Variants in CLSTN2 observed in about 807,000 individuals in gnomAD.
The protein encoded by CLSTN2 is calsyntenin-2.
In CLSTN2, 48 loss-of-function variants were observed where a neutral mutation model predicts 101.2. The observed-to-expected ratio is 0.47, with a 90% CI of 0.38 to 0.60. The LOEUF is 0.60. Ranked by LOEUF, CLSTN2 falls within the 20% of genes least tolerant of loss-of-function variation. The pLI, the probability that CLSTN2 is intolerant of heterozygous loss-of-function variation, is 0.00. For missense variants in CLSTN2, 1,160 were observed against 1,238.2 expected (o/e 0.94, Z 0.95); for synonymous variants, 481 against 463.6 (o/e 1.04, Z -0.48).
chr3:140,422,685 T>G (rs555597806), intron 5 of CLSTN2, among the ~76,000 whole-genome samples: 2 of 152,142 alleles, frequency 1.3e-5, no homozygotes, highest in African/African-American at 4.8e-5. Context: ...GGAAGAGACA[T>G]AGAAAGAAGG....
rs570021070 is a variant in CLSTN2 at position 140,317,940 on chromosome 3, G to A, written c.233-85689G>A. Among the ~76,000 whole-genome samples, 9 of 152,298 alleles carry A rather than the reference G, an allele frequency of 5.9e-5. No homozygotes were observed. In the South Asian group the frequency reaches 1.9e-3, roughly 32 times the overall value. ...CACCTTGTGCTGCTGTGCAGGCAGT[G>A]CATCATATCAATAGTGCCCGCTGGT... is the stretch of plus-strand genomic sequence containing the variant. On this transcript the variant is annotated intron_variant, in intron 2 of 16. Transcript: ENST00000458420.
intron 2 of CLSTN2, among the ~76,000 whole-genome samples, chr3:140,245,329 A>ACTG (rs1559817761): frequency 6.6e-6 from 1 of 152,190 alleles, no homozygotes; most frequent in Non-Finnish European, 1.5e-5. Flanking sequence ...TGTTCAGGTG[A>ACTG]CTGCTTCTGT....
chr3:140,469,811 G>T (rs1449079818), intron 8 of CLSTN2, among the ~76,000 whole-genome samples: 1 of 152,214 alleles, frequency 6.6e-6, no homozygotes, highest in African/African-American at 2.4e-5. Flanking sequence ...ATGAAGTGAG[G>T]CAGGGGAAGA....
At chr3:140,315,850 A>C (rs1355069865) in intron 2 of CLSTN2, among the ~76,000 whole-genome samples, 1 of 152,192 alleles carries the variant, frequency 6.6e-6, no homozygotes, top group African/African-American at 2.4e-5. Context: ...TTAGCATGGC[A>C]CAGTGTCAGG....
intron 1 of CLSTN2, among the ~76,000 whole-genome samples, chr3:139,952,300 G>C (rs1212250979): frequency 1.3e-5 from 2 of 152,144 alleles, no homozygotes; most frequent in African/African-American, 4.8e-5. Flanking sequence ...TATAATGGAT[G>C]ATGGGCTATG....
At chr3:140,513,024 G>A (rs931994347) in intron 8 of CLSTN2, among the ~76,000 whole-genome samples, 2 of 152,122 alleles carry the variant, frequency 1.3e-5, no homozygotes, top group Non-Finnish European at 2.9e-5. Flanking sequence ...CTAAGACGAT[G>A]GGATTTTCTA....
intron 2 of CLSTN2, among the ~76,000 whole-genome samples, chr3:140,240,038 A>G (rs760010430): frequency 6.7e-5 from 10 of 149,454 alleles, no homozygotes; most frequent in African/African-American, 9.8e-5. Context: ...TTTCCTGAGC[A>G]CAGGAATTCC....
intron 1 of CLSTN2, among the ~76,000 whole-genome samples, chr3:140,034,967 A>C (rs2007626808): frequency 6.6e-6 from 1 of 152,218 alleles, no homozygotes; most frequent in East Asian, 1.9e-4. Flanking sequence ...ATCCACACAC[A>C]AATCTTTTCT....
intron 8 of CLSTN2, among the ~76,000 whole-genome samples, chr3:140,479,830 T>C (rs1413855970): frequency 6.6e-6 from 1 of 152,178 alleles, no homozygotes; most frequent in Non-Finnish European, 1.5e-5. Context: ...CTATGTTTGA[T>C]TCAAAACACC....
chr3:140,553,220 A>G (rs1020667717), intron 10 of CLSTN2, among the ~76,000 whole-genome samples: 1 of 152,268 alleles, frequency 6.6e-6, no homozygotes, highest in African/African-American at 2.4e-5. Flanking sequence ...AGGGTACAAG[A>G]GCAGTGAAGG....
chr3:139,987,778 G>T (rs955480604), intron 1 of CLSTN2, among the ~76,000 whole-genome samples: 1 of 152,126 alleles, frequency 6.6e-6, no homozygotes, highest in African/African-American at 2.4e-5. Context: ...AAATCAAATT[G>T]TACACCCAGA....
intron 1 of CLSTN2, among the ~76,000 whole-genome samples, chr3:140,052,097 A>G (rs1315227008): frequency 6.6e-6 from 1 of 152,172 alleles, no homozygotes; most frequent in African/African-American, 2.4e-5. Flanking sequence ...ATCTTTCTCC[A>G]GGCCTGGCTG....
At chr3:140,069,650 G>A (rs2008358438) in intron 1 of CLSTN2, among the ~76,000 whole-genome samples, 1 of 152,224 alleles carries the variant, frequency 6.6e-6, no homozygotes, top group African/African-American at 2.4e-5. Context: ...CTGTGAGAAA[G>A]CTGAGGTCAG....
intron 1 of CLSTN2, among the ~76,000 whole-genome samples, chr3:140,070,393 C>G (rs1225889009): frequency 6.6e-6 from 1 of 152,216 alleles, no homozygotes; most frequent in African/African-American, 2.4e-5. Flanking sequence ...TTGTATTAAA[C>G]TAGGAGGTTG....
In CLSTN2 at chr3:140,421,284, T is replaced by C. The variant is rs764747922; in HGVS notation, c.787+10T>C. On this transcript the variant is annotated intron_variant, in intron 5 of 16. Coordinates refer to ENST00000458420, the MANE Select transcript of CLSTN2 (RefSeq NM_022131.3). ...AAGCCTGGCTGGCAAGGTGGGCCTGTTTTATCAGTCTTGTGTGAAGGCAGC... is the reference window on the plus strand; with the variant it reads ...AAGCCTGGCTGGCAAGGTGGGCCTGCTTTATCAGTCTTGTGTGAAGGCAGC... 2.5e-6 allele frequency: 4 copies of C among 1,613,950 alleles called. No individual in the cohort carries two copies. Among genetic ancestry groups the C allele is most frequent in the Non-Finnish European group, 2.5e-6 (3 of 1,179,956 alleles).
chr3:140,381,154 G>T (rs2087977839), intron 2 of CLSTN2, among the ~76,000 whole-genome samples: 4 of 152,172 alleles, frequency 2.6e-5, no homozygotes, highest in Non-Finnish European at 1.5e-5. Context: ...GCTTTCCTTG[G>T]CTTGCAGATG....
At chr3:140,225,338 C>T (rs2086308592) in intron 2 of CLSTN2, among the ~76,000 whole-genome samples, 1 of 152,188 alleles carries the variant, frequency 6.6e-6, no homozygotes. Context: ...TACATTACTT[C>T]AGTTGCACTG....
intron 1 of CLSTN2, among the ~76,000 whole-genome samples, chr3:140,052,188 T>C (rs2008009823): frequency 6.6e-6 from 1 of 152,202 alleles, no homozygotes; most frequent in Admixed American, 6.5e-5. Flanking sequence ...AGACAGAGTC[T>C]CGCTCTGTCG....
At position 140,576,413 on chromosome 3, in the gene CLSTN2, G is replaced by C. The variant is rs1202415004; in HGVS notation, c.*10160G>C. On this transcript the variant is annotated 3_prime_UTR_variant, in exon 17 of 17. Coordinates refer to ENST00000458420, the MANE Select transcript of CLSTN2 (RefSeq NM_022131.3). Reference sequence around the variant, plus strand: ...AATGCTATTGAATTTTTCACCTCCAGGCATGATTTTGTAACCAATGTAAAG... The same window carrying C: ...AATGCTATTGAATTTTTCACCTCCACGCATGATTTTGTAACCAATGTAAAG... 1 of 152,152 alleles carries C rather than the reference G, an allele frequency of 6.6e-6. No homozygotes were observed. Among genetic ancestry groups the C allele is most frequent in the Non-Finnish European group, 1.5e-5 (1 of 68,044 alleles). The allele number at this position is 152,152 out of a possible 1,614,324, so 9.4% of individuals were successfully genotyped here. A position where few individuals can be genotyped will look rare whatever the true frequency, so the allele number is the denominator to read the frequency against.
Sources: allele counts gnomAD v4.1 joint callset (sites outside exome capture counted in the v4.1 genomes callset), GRCh38; gene constraint gnomAD v4.1.1; transcripts MANE v1.5; gene names NCBI Gene and HGNC (gene_info 2026-07-23, HGNC 2026-07-21).